The following SPATS2L variants were observed in gnomAD, a reference collection of about 807,000 sequenced individuals.
The protein encoded by SPATS2L is spermatogenesis associated serine rich 2 like, also known as SPATS2-like protein.
Under a neutral mutation model 59.6 loss-of-function variants are expected in SPATS2L, and 30 were observed. That is an observed-to-expected ratio of 0.50 (90% CI 0.38 to 0.68). The LOEUF is 0.68. Among genes scored for constraint, SPATS2L ranks in the 30% least tolerant of loss-of-function variants. SPATS2L has a pLI of 0.00. For missense variants in SPATS2L, 615 were observed against 700.0 expected (o/e 0.88, Z 1.37); for synonymous variants, 252 against 263.5 (o/e 0.96, Z 0.42).
rs1036002148 is a variant in SPATS2L at position 200,306,782 on chromosome 2, G to C, written c.-213G>C. ...GGCAGCGCGGGGCGAGCTCCGGACG[G>C]CGCGCGGCCCAGGCAGCGGCTCCCG... On this transcript the variant is annotated 5_prime_UTR_variant, in exon 1 of 13. Transcript: ENST00000409140. The C allele has an allele frequency of 1.0e-6, 1 of 981,706 alleles. No homozygotes were observed. The highest frequency in any genetic ancestry group is 1.2e-6 in the Non-Finnish European group (1 of 828,260). The allele number at this position is 981,706 out of a possible 1,614,324, so 60.8% of individuals were successfully genotyped here. A position where few individuals can be genotyped will look rare whatever the true frequency, so the allele number is the denominator to read the frequency against.
intron 8 of SPATS2L, among the ~76,000 whole-genome samples, chr2:200,442,774 G>GA (rs2084782612): frequency 1.3e-5 from 2 of 152,274 alleles, no homozygotes; most frequent in South Asian, 4.1e-4. Context: ...CAGATTCTGT[G>GA]AGAGTTTTAC....
chr2:200,353,697 A>G (rs1376944096), intron 2 of SPATS2L, among the ~76,000 whole-genome samples: 1 of 152,198 alleles, frequency 6.6e-6, no homozygotes, highest in Non-Finnish European at 1.5e-5. Context: ...TTCTGAAGGT[A>G]TTTGCCACTC....
At chr2:200,438,083 G>C (rs554031389) in intron 6 of SPATS2L, among the ~76,000 whole-genome samples, 47 of 152,236 alleles carry the variant, frequency 3.1e-4, no homozygotes, top group African/African-American at 1.1e-3. Flanking sequence ...ATATAAAACC[G>C]TGGTACCATG....
chr2:200,397,454 T>G (rs569726583), intron 3 of SPATS2L, among the ~76,000 whole-genome samples: 1 of 152,310 alleles, frequency 6.6e-6, no homozygotes, highest in East Asian at 1.9e-4. Context: ...ACTGGAAATC[T>G]GTTCGGATAG....
chr2:200,448,470 C>A (rs2106141281), intron 8 of SPATS2L, among the ~76,000 whole-genome samples: 1 of 152,236 alleles, frequency 6.6e-6, no homozygotes, highest in Middle Eastern at 3.4e-3. Context: ...ACAACAACAA[C>A]AACAAAATCA....
intron 8 of SPATS2L, among the ~76,000 whole-genome samples, chr2:200,458,208 TAAGA>T (rs565495437): frequency 1.4e-3 from 213 of 152,220 alleles, no homozygotes; most frequent in Admixed American, 4.1e-3. Flanking sequence ...TTCCAGGAAA[TAAGA>T]AAGAGTTATA....
At chr2:200,387,393 C>T (rs550560396) in intron 2 of SPATS2L, among the ~76,000 whole-genome samples, 1 of 152,300 alleles carries the variant, frequency 6.6e-6, no homozygotes, top group African/African-American at 2.4e-5. Context: ...GTCTCTCCTG[C>T]TAGCATGTCC....
At chr2:200,309,063 G>A (rs2079115228) in intron 1 of SPATS2L, 1 of 717,894 alleles carries the variant, frequency 1.4e-6, no homozygotes, top group African/African-American at 1.7e-5. Flanking sequence ...ATGCCAGTCT[G>A]AAGCATTTTA....
chr2:200,467,004 A>G (rs2086649680), intron 9 of SPATS2L, among the ~76,000 whole-genome samples: 1 of 152,202 alleles, frequency 6.6e-6, no homozygotes, highest in African/African-American at 2.4e-5. Flanking sequence ...AAAAGTCTAA[A>G]TTCCGTAAGT....
intron 9 of SPATS2L, among the ~76,000 whole-genome samples, chr2:200,466,143 A>G (rs192403220): frequency 7.9e-5 from 12 of 152,370 alleles, no homozygotes; most frequent in Admixed American, 5.9e-4. Context: ...TGCAGTGACT[A>G]TCTTTTGATA....
At chr2:200,371,617 T>A (rs1454071911) in intron 2 of SPATS2L, among the ~76,000 whole-genome samples, 1 of 152,136 alleles carries the variant, frequency 6.6e-6, no homozygotes, top group Non-Finnish European at 1.5e-5. Flanking sequence ...AAATGAGGAA[T>A]AAGTGCACTC....
chr2:200,393,156 A>G (rs2082221991), intron 3 of SPATS2L: 3 of 455,334 alleles, frequency 6.6e-6, no homozygotes, highest in Middle Eastern at 6.8e-4. Context: ...CCCTTTCCTA[A>G]TATCTGTTGA....
In SPATS2L at chr2:200,419,344, C is replaced by T. The variant is rs770203072; in HGVS notation, c.293C>T (p.Pro98Leu). The stretch of plus-strand genomic sequence containing the variant: ...AGGCCTGAGGCAGGGCCCCTGCAGC[C>T]GCAGCCACCACAGATTCAAAACGGC... ...VERPEAGPLQ[P>L]QPPQIQNGPM... is the part of the protein sequence containing the mutation. Residue 98 changes from proline (P) to leucine (L), a missense_variant, in exon 6 of 13, where the codon CCG (proline) becomes CTG (leucine). Coordinates refer to ENST00000409140, the MANE Select transcript of SPATS2L (RefSeq NM_001100423.2). 21 of 1,610,712 alleles carry T rather than the reference C, an allele frequency of 1.3e-5. No individual in the cohort carries two copies. The highest frequency in any genetic ancestry group is 9.9e-5 in the South Asian group (9 of 90,462).
At chr2:200,323,023 C>T (rs2079615520) in intron 1 of SPATS2L, among the ~76,000 whole-genome samples, 1 of 152,212 alleles carries the variant, frequency 6.6e-6, no homozygotes. Context: ...AACAGTATCA[C>T]TTATGGACCC....
rs1034590373 is a variant in SPATS2L, at chr2:200,325,569, G to T, written c.-72-3862G>T. Reference sequence around the variant, plus strand: ...AATTTTTGTATTTTTAGTAGAGATGGGGTTTCATCATGTTGGCCAGGCTGG... The same window carrying T: ...AATTTTTGTATTTTTAGTAGAGATGTGGTTTCATCATGTTGGCCAGGCTGG... On this transcript the variant is annotated intron_variant, in intron 1 of 12. Coordinates refer to ENST00000409140, the MANE Select transcript of SPATS2L (RefSeq NM_001100423.2). 2.0e-5 allele frequency among the ~76,000 whole-genome samples: 3 copies of T among 152,028 alleles called. 1 individual carries two copies. The highest frequency in any genetic ancestry group is 6.6e-5 in the Admixed American group (1 of 15,266).
intron 3 of SPATS2L, among the ~76,000 whole-genome samples, chr2:200,410,565 A>G (rs891064757): frequency 3.3e-5 from 5 of 151,880 alleles, no homozygotes; most frequent in African/African-American, 1.2e-4. Flanking sequence ...TCCCTCCCTA[A>G]TCATGTCCAA....
At chr2:200,311,050 G>T (rs115756013) in intron 1 of SPATS2L, among the ~76,000 whole-genome samples, 2 of 152,176 alleles carry the variant, frequency 1.3e-5, no homozygotes, top group African/African-American at 4.8e-5. Context: ...GGCCCTGGCC[G>T]TAAGAAGCAC....
intron 2 of SPATS2L, among the ~76,000 whole-genome samples, chr2:200,355,344 G>A (rs2080878665): frequency 6.6e-6 from 1 of 152,226 alleles, no homozygotes; most frequent in African/African-American, 2.4e-5. Context: ...CTAATGTGGT[G>A]TGATTCTTTC....
chr2:200,383,539 CACCA>C (rs1341635043), intron 2 of SPATS2L, among the ~76,000 whole-genome samples: 1 of 152,154 alleles, frequency 6.6e-6, no homozygotes, highest in Non-Finnish European at 1.5e-5. Context: ...AACTTCCCCA[CACCA>C]ACTGACCTTG....
Sources: allele counts gnomAD v4.1 joint callset (sites outside exome capture counted in the v4.1 genomes callset), GRCh38; gene constraint gnomAD v4.1.1; transcripts MANE v1.5; gene names NCBI Gene and HGNC (gene_info 2026-07-23, HGNC 2026-07-21).